The following ACTR3C variants were observed in gnomAD, a reference collection of about 807,000 sequenced individuals.
ACTR3C encodes actin related protein 3C.
A neutral mutation model predicts 26.3 loss-of-function variants in ACTR3C; 18 were observed. The observed-to-expected ratio is 0.68, with a 90% CI of 0.47 to 1.01. The LOEUF (loss-of-function observed/expected upper bound fraction) is 1.01, where lower values mean the gene tolerates loss of function less well. Ranked by LOEUF, ACTR3C falls within the 50% of genes least tolerant of loss-of-function variation. The pLI is 0.00. For synonymous variants in ACTR3C, 55 were observed against 94.5 expected, an observed-to-expected ratio of 0.58 and a Z score of 2.42; for missense variants, 184 against 250.7, an observed-to-expected ratio of 0.73 and a Z score of 1.80.
chr7:149,975,452 A>C, the ACTR3C span, among the ~76,000 whole-genome samples: 9 of 152,078 alleles, frequency 5.9e-5, no homozygotes, highest in Non-Finnish European at 1.5e-5. Flanking sequence ...TTAAGAAAGA[A>C]GAAAGATCTT....
the ACTR3C span, among the ~76,000 whole-genome samples, chr7:150,174,824 T>C: frequency 6.1e-5 from 9 of 148,426 alleles, no homozygotes; most frequent in Non-Finnish European, 1.2e-4. Flanking sequence ...TATTACCAAT[T>C]CTACACAAAG....
the ACTR3C span, among the ~76,000 whole-genome samples, chr7:149,989,426 C>T: frequency 2.0e-5 from 3 of 152,092 alleles, no homozygotes; most frequent in African/African-American, 7.2e-5. Flanking sequence ...AATTTTATAT[C>T]CTTGTACCAA....
intron 1 of ACTR3C, among the ~76,000 whole-genome samples, chr7:150,297,076 C>T (rs1377396195): frequency 6.6e-6 from 1 of 151,956 alleles, no homozygotes; most frequent in East Asian, 1.9e-4. Context: ...TAGACTAATA[C>T]ACCCCTACGA....
chr7:149,956,001 T>C, the ACTR3C span, among the ~76,000 whole-genome samples: 9 of 152,218 alleles, frequency 5.9e-5, no homozygotes, highest in African/African-American at 2.2e-4. Flanking sequence ...TACGGAAACC[T>C]GAGAACCAGA....
intron 6 of ACTR3C, among the ~76,000 whole-genome samples, chr7:150,258,444 T>C (rs1833384703): frequency 6.6e-6 from 1 of 151,430 alleles, no homozygotes; most frequent in Non-Finnish European, 1.5e-5. Context: ...AGCCCAGCTT[T>C]GGAGCACAGA....
chr7:150,194,422 G>T, the ACTR3C span, among the ~76,000 whole-genome samples: 1 of 148,596 alleles, frequency 6.7e-6, no homozygotes, highest in African/African-American at 2.4e-5. Context: ...TTGTGTTAAT[G>T]ATTTTATTGT....
intron 1 of ACTR3C, among the ~76,000 whole-genome samples, chr7:150,302,575 T>C (rs1795512454): frequency 6.6e-6 from 1 of 151,858 alleles, no homozygotes; most frequent in South Asian, 2.1e-4. Flanking sequence ...TAATATTGGG[T>C]GTAAAATCAT....
chr7:150,311,232 C>A (rs978202391), intron 1 of ACTR3C, among the ~76,000 whole-genome samples: 2 of 152,236 alleles, frequency 1.3e-5, no homozygotes, highest in Non-Finnish European at 2.9e-5. Context: ...CTCATCTCAA[C>A]CTTTTTCCGT....
intron 1 of ACTR3C, among the ~76,000 whole-genome samples, chr7:150,303,665 A>T (rs1351777999): frequency 6.6e-6 from 1 of 152,174 alleles, no homozygotes; most frequent in Non-Finnish European, 1.5e-5. Flanking sequence ...CTCCCATTTC[A>T]TCTCTATCCA....
intron 4 of ACTR3C, among the ~76,000 whole-genome samples, chr7:150,286,763 C>T (rs1835809923): frequency 6.6e-6 from 1 of 151,390 alleles, no homozygotes; most frequent in Non-Finnish European, 1.5e-5. Flanking sequence ...TTCTCTGCAA[C>T]TCAGCTATTA....
At chr7:150,158,918 T>G in the ACTR3C span, among the ~76,000 whole-genome samples, 1 of 145,168 alleles carries the variant, frequency 6.9e-6, no homozygotes, top group Non-Finnish European at 1.5e-5. Flanking sequence ...CACACACACG[T>G]GCACACACAT....
the ACTR3C span, among the ~76,000 whole-genome samples, chr7:149,976,755 G>C: frequency 1.3e-5 from 2 of 152,000 alleles, no homozygotes; most frequent in Non-Finnish European, 2.9e-5. Flanking sequence ...ACTTGAGAGT[G>C]AAACTCTCAA....
chr7:150,010,693 C>CAAA, the ACTR3C span, among the ~76,000 whole-genome samples: 4 of 118,060 alleles, frequency 3.4e-5, no homozygotes, highest in Admixed American at 9.0e-5. Flanking sequence ...GACTCCATCT[C>CAAA]AAAAAAAAAA....
the ACTR3C span, among the ~76,000 whole-genome samples, chr7:150,086,279 T>G: frequency 6.6e-6 from 1 of 152,228 alleles, no homozygotes; most frequent in African/African-American, 2.4e-5. Context: ...CCCAGCCCCA[T>G]GCATTATTTT....
the ACTR3C span, among the ~76,000 whole-genome samples, chr7:150,227,697 T>G: frequency 3.5e-5 from 5 of 141,122 alleles, 1 homozygote; most frequent in African/African-American, 8.8e-5. Context: ...GGTTTTTTTT[T>G]TTTGTTTTTT....
At chr7:150,048,501 C>T in the ACTR3C span, among the ~76,000 whole-genome samples, 1 of 152,114 alleles carries the variant, frequency 6.6e-6, no homozygotes. Flanking sequence ...TGGGGGAGTC[C>T]CGGGAGCTGA....
chr7:150,016,322 T>C, the ACTR3C span, among the ~76,000 whole-genome samples: 2 of 152,144 alleles, frequency 1.3e-5, no homozygotes, highest in South Asian at 2.1e-4. Context: ...TAGGTATAGA[T>C]GGATGTAGAA....
At chr7:150,233,547 C>T in the ACTR3C span, among the ~76,000 whole-genome samples, 2 of 151,344 alleles carry the variant, frequency 1.3e-5, no homozygotes, top group Non-Finnish European at 2.9e-5. Context: ...ATTATACTTT[C>T]GAAATTATTT....
chr7:150,105,011 G>T, the ACTR3C span, among the ~76,000 whole-genome samples: 1 of 151,536 alleles, frequency 6.6e-6, no homozygotes, highest in African/African-American at 2.4e-5. Flanking sequence ...TTTTTTTCTA[G>T]TTGAAGGGTG....
Sources: gnomAD v4.1 joint callset for allele counts (sites outside exome capture counted in the v4.1 genomes callset) on GRCh38, gnomAD v4.1.1 for gene constraint, MANE v1.5 for transcripts, NCBI Gene and HGNC (gene_info 2026-07-23, HGNC 2026-07-21) for gene names.